Variants in ATRNL1 observed in about 807,000 individuals in gnomAD.
ATRNL1 encodes the protein attractin-like protein 1.
Under a neutral mutation model 182.7 loss-of-function variants are expected in ATRNL1, and 95 were observed. The ratio of observed to expected loss-of-function variants is 0.52; its 90% confidence interval spans 0.44 to 0.62. The LOEUF is 0.62. ATRNL1 is among the 20% of genes least tolerant of loss of function. The pLI, the probability that ATRNL1 is intolerant of heterozygous loss-of-function variation, is 0.00. For missense variants in ATRNL1, 1,471 were observed against 1,679.5 expected, an observed-to-expected ratio of 0.88 and a Z score of 2.17; for synonymous variants, 576 against 568.3, an observed-to-expected ratio of 1.01 and a Z score of -0.19.
In ATRNL1 at chr10:115,774,500, G is replaced by A. The variant is rs114055752; in HGVS notation, c.3903+47145G>A. Among the ~76,000 whole-genome samples, 767 of 151,084 alleles carry A rather than the reference G, an allele frequency of 5.1e-3. 2 individuals are homozygous for A. Among genetic ancestry groups the A allele is most frequent in the African/African-American group, 0.017 (713 of 41,162 alleles). ...GGTGGCTTTGGGCAAGGTGCTCTGA[G>A]GGCCCAGATAATAGGGAAATTAAGC... On this transcript the variant is annotated intron_variant, in intron 27 of 28. Transcript: ENST00000355044.
Position 115,847,994 on chromosome 10 carries a change from A to G in ATRNL1, c.4018+3A>G. The G allele has an allele frequency of 2.6e-6, 4 of 1,551,442 alleles. No individual in the cohort carries two copies. The highest frequency in any genetic ancestry group is 3.6e-6 in the Non-Finnish European group (4 of 1,123,502). On this transcript the variant is annotated splice_donor_region_variant and intron_variant, in intron 28 of 28. Coordinates refer to ENST00000355044, the MANE Select transcript of ATRNL1 (RefSeq NM_207303.4). ...TGCCCCTCCCCCTGGGCAGTCAGGT[A>G]TGATAAATGAGGAGCCTTCAGCAGT...
chr10:115,431,324 G>A (rs984523250), intron 21 of ATRNL1, among the ~76,000 whole-genome samples: 6 of 151,010 alleles, frequency 4.0e-5, no homozygotes, highest in Admixed American at 1.3e-4. Context: ...AGAATCGCTT[G>A]AACCTGGGAG....
intron 19 of ATRNL1, among the ~76,000 whole-genome samples, chr10:115,383,941 G>A (rs184013490): frequency 4.8e-4 from 73 of 151,952 alleles, no homozygotes; most frequent in African/African-American, 1.5e-3. Flanking sequence ...CACTTGAGCT[G>A]ACTTGATATC....
intron 19 of ATRNL1, among the ~76,000 whole-genome samples, chr10:115,365,243 T>A (rs1214626157): frequency 1.2e-4 from 18 of 152,204 alleles, no homozygotes; most frequent in African/African-American, 4.1e-4. Flanking sequence ...CCTGGTTTAG[T>A]CTTGGGAGAG....
intron 28 of ATRNL1, among the ~76,000 whole-genome samples, chr10:115,932,810 T>C (rs1447575790): frequency 6.6e-6 from 1 of 152,228 alleles, no homozygotes; most frequent in Non-Finnish European, 1.5e-5. Flanking sequence ...AGCTTGTCTT[T>C]TAATATTCAT....
chr10:115,338,457 T>G (rs1203018269), intron 19 of ATRNL1, among the ~76,000 whole-genome samples: 1 of 152,236 alleles, frequency 6.6e-6, no homozygotes, highest in Non-Finnish European at 1.5e-5. Context: ...CAGTTCTGAT[T>G]TGCATTTCTC....
chr10:115,198,944 C>T (rs1554891683), intron 8 of ATRNL1, among the ~76,000 whole-genome samples: 1 of 152,042 alleles, frequency 6.6e-6, no homozygotes, highest in African/African-American at 2.4e-5. Flanking sequence ...TGGGAGGCCT[C>T]TGGATTTGTT....
chr10:115,325,250 C>A (rs1426115372), intron 18 of ATRNL1, among the ~76,000 whole-genome samples: 1 of 152,010 alleles, frequency 6.6e-6, no homozygotes, highest in Non-Finnish European at 1.5e-5. Context: ...TATTCATATT[C>A]CATAGCTACT....
intron 18 of ATRNL1, among the ~76,000 whole-genome samples, chr10:115,318,127 C>T (rs1232692670): frequency 1.3e-5 from 2 of 152,058 alleles, no homozygotes; most frequent in African/African-American, 4.8e-5. Context: ...TATCAAAGGC[C>T]TTTTCTGCAT....
intron 26 of ATRNL1, among the ~76,000 whole-genome samples, chr10:115,584,030 T>C (rs1435064217): frequency 6.6e-6 from 1 of 152,194 alleles, no homozygotes; most frequent in Non-Finnish European, 1.5e-5. Flanking sequence ...TGTCTTTGGT[T>C]CTGTTTATAT....
intron 28 of ATRNL1, 118 bp downstream of exon 28, chr10:115,848,109 G>A: frequency 3.2e-6 from 2 of 623,128 alleles, no homozygotes; most frequent in South Asian, 2.0e-5. Flanking sequence ...TTTAGAGCAT[G>A]GTAAAATTTT....
chr10:115,319,138 T>C (rs943275198), intron 18 of ATRNL1, among the ~76,000 whole-genome samples: 2 of 152,100 alleles, frequency 1.3e-5, no homozygotes, highest in Non-Finnish European at 2.9e-5. Flanking sequence ...GCGTTAGTTT[T>C]GTTATTTACC....
chr10:115,359,950 C>A lies in ATRNL1; in HGVS notation c.3175+25531C>A, dbSNP rs571511078. On this transcript the variant is annotated intron_variant, in intron 19 of 28. Transcript: ENST00000355044. The stretch of plus-strand genomic sequence containing the variant: ...ATTTTTAACATACATTTTGTGCATT[C>A]TTCTAGCTGTAAGCGTCCAACTTCT... Among the ~76,000 whole-genome samples the A allele has an allele frequency of 2.9e-4, 44 of 151,552 alleles. 1 individual carries two copies. In the South Asian group the frequency reaches 8.7e-3, roughly 30 times the overall value.
chr10:115,288,645 C>G (rs1852746033), intron 15 of ATRNL1, among the ~76,000 whole-genome samples: 1 of 151,998 alleles, frequency 6.6e-6, no homozygotes, highest in African/African-American at 2.4e-5. Flanking sequence ...CCTCAGCCTC[C>G]CGAGTAGCTG....
intron 19 of ATRNL1, among the ~76,000 whole-genome samples, chr10:115,376,731 A>T (rs1554949644): frequency 6.6e-6 from 1 of 151,996 alleles, no homozygotes; most frequent in African/African-American, 2.4e-5. Context: ...AGATTTTTTT[A>T]AGTTTGGAAA....
intron 5 of ATRNL1, among the ~76,000 whole-genome samples, chr10:115,134,060 G>C (rs1845390193): frequency 6.6e-6 from 1 of 152,098 alleles, no homozygotes; most frequent in Non-Finnish European, 1.5e-5. Flanking sequence ...GAAATTTATA[G>C]CACTAAATGC....
chr10:115,357,756 A>G (rs181282597), intron 19 of ATRNL1, among the ~76,000 whole-genome samples: 390 of 151,772 alleles, frequency 2.6e-3, no homozygotes, highest in Non-Finnish European at 4.6e-3. Flanking sequence ...TTAATTATAT[A>G]TTTGCTTAAC....
chr10:115,289,181 T>G (rs1554920084), intron 15 of ATRNL1, among the ~76,000 whole-genome samples: 1 of 152,022 alleles, frequency 6.6e-6, no homozygotes, highest in African/African-American at 2.4e-5. Context: ...CATCAGATCT[T>G]GTGAGACTTA....
intron 9 of ATRNL1, among the ~76,000 whole-genome samples, chr10:115,230,208 C>A (rs1399694301): frequency 6.6e-6 from 1 of 151,732 alleles, no homozygotes; most frequent in Admixed American, 6.6e-5. Context: ...GAGAGGCAGA[C>A]AATAAATATG....
Sources: gnomAD v4.1 joint callset for allele counts (sites outside exome capture counted in the v4.1 genomes callset) on GRCh38, gnomAD v4.1.1 for gene constraint, MANE v1.5 for transcripts, NCBI Gene and HGNC (gene_info 2026-07-23, HGNC 2026-07-21) for gene names.